PBRM1: variants seen among roughly 807,000 people sequenced by gnomAD.
PBRM1 encodes the protein protein polybromo-1.
Under a neutral mutation model 194.5 loss-of-function variants are expected in PBRM1, and 27 were observed. The observed-to-expected ratio is 0.14, with a 90% CI of 0.10 to 0.19. The LOEUF is 0.19. Among genes scored for constraint, PBRM1 ranks in the 10% least tolerant of loss-of-function variants. The pLI, the probability that PBRM1 is intolerant of heterozygous loss-of-function variation, is 1.00. For missense variants in PBRM1, 1,466 were observed against 2,077.2 expected (o/e 0.71, Z 5.72); for synonymous variants, 655 against 693.2 (o/e 0.94, Z 0.87).
chr3:52,685,386 A>AC (rs2154092104), intron 1 of PBRM1: 1 of 152,304 alleles, frequency 6.6e-6, no homozygotes, highest in African/African-American at 2.4e-5. Context: ...AGAAACCACA[A>AC]CAAAAAAAAG....
chr3:52,578,834 G>A (rs762068330), intron 21 of PBRM1, among the ~76,000 whole-genome samples: 22 of 152,216 alleles, frequency 1.4e-4, no homozygotes, highest in Non-Finnish European at 2.9e-4. Context: ...TAGGCAGGGA[G>A]ATTTCTGAGC....
In PBRM1 at chr3:52,669,999, C is replaced by A. The variant is rs183183452; in HGVS notation, c.237-1354G>T. ...TCAGTGGTATCAAGGAACCTTCTCA[C>A]AGCACACATTAGGGCTCTGATAACT... is the stretch of plus-strand genomic sequence containing the variant. On this transcript the variant is annotated intron_variant, in intron 2 of 29. Transcript: ENST00000296302. 1.2e-4 allele frequency among the ~76,000 whole-genome samples: 18 copies of A among 152,308 alleles called. No individual in the cohort carries two copies. In the East Asian group the frequency reaches 2.3e-3, roughly 20 times the overall value.
At chr3:52,635,656 T>C (rs918286874) in intron 10 of PBRM1, among the ~76,000 whole-genome samples, 9 of 152,148 alleles carry the variant, frequency 5.9e-5, no homozygotes, top group Admixed American at 3.3e-4. Context: ...TAGAGAAATA[T>C]TACATAGAAA....
At chr3:52,573,617 G>T (rs1175563983) in intron 22 of PBRM1, among the ~76,000 whole-genome samples, 2 of 152,076 alleles carry the variant, frequency 1.3e-5, no homozygotes, top group African/African-American at 4.8e-5. Context: ...ATTCTAACAG[G>T]CATCTTTAGA....
intron 10 of PBRM1, among the ~76,000 whole-genome samples, chr3:52,635,163 G>A (rs775339577): frequency 7.9e-5 from 12 of 152,072 alleles, no homozygotes; most frequent in Non-Finnish European, 1.6e-4. Flanking sequence ...CTGAGCTTAG[G>A]CAATCTGCCA....
At chr3:52,685,329 G>GA (rs1160777656) in intron 1 of PBRM1, 1 of 151,892 alleles carries the variant, frequency 6.6e-6, no homozygotes, top group Non-Finnish European at 1.5e-5. Flanking sequence ...AAAATACCCG[G>GA]AAAAAATACG....
chr3:52,658,153 A>G (rs1178081683), intron 5 of PBRM1, 46 bp downstream of exon 6: 5 of 910,220 alleles, frequency 5.5e-6, no homozygotes, highest in Non-Finnish European at 9.1e-6. Flanking sequence ...TTGAAGTACT[A>G]AAAACAAAAC....
At chr3:52,640,774 A>G (rs2096049393) in intron 10 of PBRM1, among the ~76,000 whole-genome samples, 2 of 151,740 alleles carry the variant, frequency 1.3e-5, no homozygotes, top group African/African-American at 4.8e-5. Context: ...AGTAGCTGAG[A>G]CTACAGGTGC....
chr3:52,661,792 C>A, intron 4 of PBRM1, among the ~76,000 whole-genome samples: 1 of 152,236 alleles, frequency 6.6e-6, no homozygotes, highest in East Asian at 1.9e-4. Context: ...ATTCCAACTT[C>A]TAATCACAAC....
intron 22 of PBRM1, among the ~76,000 whole-genome samples, chr3:52,568,741 A>G (rs1275182441): frequency 6.6e-6 from 1 of 152,194 alleles, no homozygotes; most frequent in African/African-American, 2.4e-5. Context: ...TGCCACTTTT[A>G]CCATATATTT....
intron 10 of PBRM1, among the ~76,000 whole-genome samples, chr3:52,641,447 A>C (rs1236476575): frequency 1.8e-5 from 1 of 54,594 alleles, no homozygotes; most frequent in East Asian, 6.3e-4. Context: ...ACTCCATCTC[A>C]AAAAAAAAAA....
At chr3:52,674,102 T>C (rs762982465) in intron 2 of PBRM1, among the ~76,000 whole-genome samples, 3 of 150,908 alleles carry the variant, frequency 2.0e-5, no homozygotes, top group African/African-American at 4.9e-5. Context: ...TAAACGAAAT[T>C]AGAGAATAGA....
chr3:52,662,210 A>G (rs2153926294), exon 4 of PBRM1: 1 of 1,613,220 alleles, frequency 6.2e-7, no homozygotes, highest in Admixed American at 1.7e-5. Context: ...TTCTGAACAA[A>G]CTCATTTCTT....
At chr3:52,678,333 A>T (rs992615875) in intron 2 of PBRM1, among the ~76,000 whole-genome samples, 167 bp downstream of exon 3, 4 of 152,116 alleles carry the variant, frequency 2.6e-5, no homozygotes, top group Admixed American at 2.6e-4. Context: ...TTTTTAATTT[A>T]AAAAAAGCTT....
At chr3:52,634,517 T>G (rs890881564) in intron 11 of PBRM1, 85 bp downstream of exon 12, 43 of 878,468 alleles carry the variant, frequency 4.9e-5, no homozygotes, top group Non-Finnish European at 7.2e-5. Flanking sequence ...TTAATATCCT[T>G]ATCCATTTTA....
intron 11 of PBRM1, 118 bp downstream of exon 12, chr3:52,634,483 TA>T (rs76361761): frequency 2.6e-4 from 170 of 662,036 alleles, no homozygotes; most frequent in Middle Eastern, 4.3e-4. Context: ...AATTTGAGGT[TA>T]AAAAAAAACA....
Position 52,568,495 on chromosome 3 carries a change from A to G in PBRM1, c.3692-4262T>C, listed in dbSNP as rs2086048495. ...CCATTTTTATACAGCTGAATTTATC[A>G]GTATTTTATTGTATGAGTTCTGGCT... On this transcript the variant is annotated intron_variant, in intron 22 of 29. Coordinates refer to ENST00000296302, the Ensembl canonical transcript of PBRM1. Among the ~76,000 whole-genome samples the G allele has an allele frequency of 2.0e-5, 3 of 152,336 alleles. No individual in the cohort carries two copies. In the South Asian group the frequency reaches 6.2e-4, roughly 32 times the overall value.
At chr3:52,576,754 A>C in intron 21 of PBRM1, 56 bp from the exon 24 acceptor site, 1 of 1,394,568 alleles carries the variant, frequency 7.2e-7, no homozygotes. Context: ...TGAAGGATTA[A>C]TCTAACAAAA....
intron 10 of PBRM1, among the ~76,000 whole-genome samples, chr3:52,635,297 T>C (rs113811204): frequency 1.3e-5 from 2 of 152,028 alleles, no homozygotes; most frequent in African/African-American, 2.4e-5. Flanking sequence ...CTGGGTGTGA[T>C]GGCTCACGCC....
Sources: gnomAD v4.1 joint callset for allele counts (sites outside exome capture counted in the v4.1 genomes callset) on GRCh38, gnomAD v4.1.1 for gene constraint, MANE v1.5 for transcripts, NCBI Gene and HGNC (gene_info 2026-07-23, HGNC 2026-07-21) for gene names.